Variants in TMEM231 observed in about 807,000 individuals in gnomAD.
TMEM231 encodes the protein transmembrane protein 231.
TMEM231 carries 40 observed loss-of-function variants against 38.5 expected under a neutral mutation model. The ratio of observed to expected loss-of-function variants is 1.04; its 90% CI spans 0.81 to 1.35. The LOEUF is 1.35. Ranked by LOEUF, TMEM231 falls within the 40% of genes most tolerant of loss-of-function variation. The pLI is 0.00. For missense variants in TMEM231, 420 were observed against 416.9 expected, an observed-to-expected ratio of 1.01 and a Z score of -0.07; for synonymous variants, 199 against 181.7, an observed-to-expected ratio of 1.10 and a Z score of -0.77.
rs1199815989 is a variant in TMEM231, at chr16:75,536,777, G to A, written c.*3217C>T. 1.3e-5 allele frequency: 2 copies of A among 152,182 alleles called. No individual in the cohort carries two copies. The highest frequency in any genetic ancestry group is 4.8e-5 in the African/African-American group (2 of 41,452). 9.4% of individuals were successfully genotyped at this position (152,182 alleles called of 1,614,324 possible). A position where few individuals can be genotyped will look rare whatever the true frequency, so the allele number is the denominator to read the frequency against. On this transcript the variant is annotated 3_prime_UTR_variant, in exon 7 of 7. Coordinates refer to ENST00000258173, the MANE Select transcript of TMEM231 (RefSeq NM_001077418.3). Reference sequence around the variant, plus strand: ...CAAGGTTTATAAAAGTGTTGTTTGTGATACTAAAAAGGTTACATACAACAA... The same window carrying A: ...CAAGGTTTATAAAAGTGTTGTTTGTAATACTAAAAAGGTTACATACAACAA...
chr16:75,555,580 T>C, intron 2 of TMEM231: 2 of 492,270 alleles, frequency 4.1e-6, no homozygotes, highest in Non-Finnish European at 7.0e-6. Flanking sequence ...GCTGACAGCA[T>C]GGCTAACTTT....
chr16:75,544,418 A>G (rs1004504729), intron 4 of TMEM231, among the ~76,000 whole-genome samples: 9 of 152,274 alleles, frequency 5.9e-5, no homozygotes, highest in Middle Eastern at 3.4e-3. Context: ...TGGCAAAAGC[A>G]AAAGCCCTGA....
At chr16:75,552,763 T>A (rs1038015462) in intron 2 of TMEM231, among the ~76,000 whole-genome samples, 3 of 152,160 alleles carry the variant, frequency 2.0e-5, no homozygotes, top group African/African-American at 7.2e-5. Flanking sequence ...CAATGAGAAC[T>A]ATGCCATACC....
chr16:75,547,529 A>G lies in TMEM231; in HGVS notation c.310-1575T>C, dbSNP rs187025626. ...GAGGCAATGATGGACTAGTCATTATAGGTAGGATGAAAAGAGCCTGCCTTG... is the reference window on the plus strand; with the variant it reads ...GAGGCAATGATGGACTAGTCATTATGGGTAGGATGAAAAGAGCCTGCCTTG... On this transcript the variant is annotated intron_variant, in intron 2 of 6. Transcript: ENST00000258173. Among the ~76,000 whole-genome samples the G allele has an allele frequency of 1.4e-4, 21 of 152,224 alleles. No homozygotes were observed. The East Asian group carries it at 4.0e-3, about 29-fold the overall frequency.
chr16:75,543,586 TA>T (rs2080651182), intron 4 of TMEM231, among the ~76,000 whole-genome samples: 1 of 151,800 alleles, frequency 6.6e-6, no homozygotes, highest in African/African-American at 2.4e-5. Context: ...AAAAATAAAA[TA>T]CAAATAAAAA....
intron 2 of TMEM231, among the ~76,000 whole-genome samples, chr16:75,547,322 TG>T (rs754353030): frequency 6.6e-6 from 1 of 152,358 alleles, no homozygotes; most frequent in East Asian, 1.9e-4. Context: ...TCATTTGAAA[TG>T]AAGAAATCTC....
chr16:75,538,920 T>C lies in TMEM231; in HGVS notation c.*1074A>G, dbSNP rs1321494316. ...TATTCTGCTAGTGGCCAGGCTGGAC[T>C]GGCCTGCCCAGGCCAGCATCCTCTT... On this transcript the variant is annotated 3_prime_UTR_variant, in exon 7 of 7. Coordinates refer to ENST00000258173, the MANE Select transcript of TMEM231 (RefSeq NM_001077418.3). 1 of 152,274 alleles carries C rather than the reference T, an allele frequency of 6.6e-6. No individual in the cohort carries two copies. Among genetic ancestry groups the C allele is most frequent in the Admixed American group, 6.5e-5 (1 of 15,290 alleles). 9.4% of individuals were successfully genotyped at this position (152,274 alleles called of 1,614,324 possible).
intron 5 of TMEM231, 137 bp from the exon 6 acceptor site, chr16:75,541,592 G>A: frequency 3.9e-6 from 2 of 511,650 alleles, no homozygotes; most frequent in South Asian, 7.0e-5. Context: ...AAGAGAAATT[G>A]CATGTGCAAA....
intron 2 of TMEM231, among the ~76,000 whole-genome samples, chr16:75,547,196 G>A (rs1212131142): frequency 6.6e-6 from 1 of 152,144 alleles, no homozygotes; most frequent in Admixed American, 6.5e-5. Context: ...TTCTACTATC[G>A]TGTAGCAGCA....
intron 2 of TMEM231, among the ~76,000 whole-genome samples, chr16:75,548,435 G>A (rs1484148270): frequency 1.3e-5 from 2 of 152,172 alleles, no homozygotes; most frequent in Non-Finnish European, 2.9e-5. Flanking sequence ...TTCAAATAAT[G>A]AGACTATAAT....
At chr16:75,545,295 C>G in intron 4 of TMEM231, 57 bp downstream of exon 4, 2 of 1,570,848 alleles carry the variant, frequency 1.3e-6, no homozygotes, top group Non-Finnish European at 1.7e-6. Flanking sequence ...CTTTAAAGAA[C>G]TTAATGAACA....
rs372353466 is a variant in TMEM231, at chr16:75,555,852, G to A, written c.261C>T (p.Pro87=). The A allele has an allele frequency of 6.3e-6, 10 of 1,582,908 alleles. No individual in the cohort carries two copies. The African/African-American group carries it at 1.3e-4, about 21-fold the overall frequency. ...GATCCCCTTGCAGCCGGTTGAAGGC[G>A]GGGAACGTGCTCCAGGCGAGGAACC... ...SDGFLAWSTF[P]AFNRLQGDRL... is the part of the protein sequence containing the mutation. Residue 87 remains proline (P), a synonymous_variant, in exon 2 of 7, where the codon CCC becomes CCT. Transcript: ENST00000258173.
At chr16:75,546,923 T>G (rs1260646824) in intron 2 of TMEM231, among the ~76,000 whole-genome samples, 1 of 152,100 alleles carries the variant, frequency 6.6e-6, no homozygotes, top group Non-Finnish European at 1.5e-5. Flanking sequence ...CATATCTATT[T>G]GATAAATTAC....
Position 75,545,571 on chromosome 16 carries a change from C to T in TMEM231, c.439-76G>A, listed in dbSNP as rs1409267654. The T allele has an allele frequency of 7.0e-6, 8 of 1,135,206 alleles. No homozygotes were observed. In the African/African-American group the frequency reaches 9.0e-5, roughly 13 times the overall value. The allele number at this position is 1,135,206 out of a possible 1,614,324, so 70.3% of individuals were successfully genotyped here. A position where few individuals can be genotyped will look rare whatever the true frequency, so the allele number is the denominator to read the frequency against. On this transcript the variant is annotated intron_variant, in intron 3 of 6. Coordinates refer to ENST00000258173, the MANE Select transcript of TMEM231 (RefSeq NM_001077418.3). ...GCTCTGGGTGCTAAGAGTCACCTGT[C>T]TTGGCTGAAACCTAAGAGGCCCTCA... is the stretch of plus-strand genomic sequence containing the variant.
At position 75,542,733 on chromosome 16, in the gene TMEM231, C is replaced by T. The variant is rs185068868; in HGVS notation, c.583-50G>A. ...TGTGAGCACCTGGGAGACTCCTCCCCTTTTCCTTCTACCCTTCTGCCCACC... is the reference window on the plus strand; with the variant it reads ...TGTGAGCACCTGGGAGACTCCTCCCTTTTTCCTTCTACCCTTCTGCCCACC... On this transcript the variant is annotated intron_variant, in intron 4 of 6. Coordinates refer to ENST00000258173, the MANE Select transcript of TMEM231 (RefSeq NM_001077418.3). The T allele has an allele frequency of 3.3e-3, 5,084 of 1,559,730 alleles. 20 individuals carry two copies. The highest frequency in any genetic ancestry group is 4.2e-3 in the Middle Eastern group (23 of 5,468).
chr16:75,543,217 C>T (rs945514282), intron 4 of TMEM231, among the ~76,000 whole-genome samples: 5 of 151,626 alleles, frequency 3.3e-5, no homozygotes, highest in Admixed American at 3.3e-4. Context: ...CCACTCACTA[C>T]ACTCCAGTTT....
At chr16:75,540,318 G>T in intron 6 of TMEM231, 144 bp from the exon 7 acceptor site, 1 of 790,950 alleles carries the variant, frequency 1.3e-6, no homozygotes, top group Non-Finnish European at 1.9e-6. Context: ...ACCTGAACTT[G>T]GCCAAATGGT....
chr16:75,542,493 C>T (rs187603178), intron 5 of TMEM231, 109 bp downstream of exon 5: 5,648 of 982,184 alleles, frequency 5.8e-3, no homozygotes, highest in Non-Finnish European at 7.9e-3. Context: ...TGAGCATTCA[C>T]GGGTTTTGAC....
intron 2 of TMEM231, among the ~76,000 whole-genome samples, chr16:75,547,689 G>A (rs1178995149): frequency 6.6e-6 from 1 of 152,170 alleles, no homozygotes; most frequent in African/African-American, 2.4e-5. Flanking sequence ...TGAGGCAGGA[G>A]AATCGCTTGA....
Sources: gnomAD v4.1 joint callset for allele counts (sites outside exome capture counted in the v4.1 genomes callset) on GRCh38, gnomAD v4.1.1 for gene constraint, MANE v1.5 for transcripts, NCBI Gene and HGNC (gene_info 2026-07-23, HGNC 2026-07-21) for gene names.